The following ARL6IP1 variants were observed in gnomAD, a reference collection of about 807,000 sequenced individuals.
ARL6IP1 encodes ARL6 interacting reticulophagy regulator 1.
Under a neutral mutation model 30.1 loss-of-function variants are expected in ARL6IP1, and 16 were observed. The observed-to-expected ratio is 0.53, with a 90% confidence interval of 0.36 to 0.81. The LOEUF is 0.81. Ranked by LOEUF, ARL6IP1 falls within the 30% of genes least tolerant of loss-of-function variation. The pLI, the probability that ARL6IP1 is intolerant of heterozygous loss-of-function variation, is 0.01. For synonymous variants in ARL6IP1, 72 were observed against 84.8 expected, an observed-to-expected ratio of 0.85 and a Z score of 0.83; for missense variants, 173 against 242.7, an observed-to-expected ratio of 0.71 and a Z score of 1.91.
intron 1 of ARL6IP1, among the ~76,000 whole-genome samples, chr16:18,800,246 A>T (rs937436347): frequency 6.6e-6 from 1 of 152,188 alleles, no homozygotes; most frequent in African/African-American, 2.4e-5. Flanking sequence ...AACAACCCTT[A>T]AAAAAAGGTG....
chr16:18,794,551 A>T (rs1185982411), intron 5 of ARL6IP1, 48 bp downstream of exon 5: 3 of 1,445,846 alleles, frequency 2.1e-6, no homozygotes, highest in African/African-American at 2.8e-5. Context: ...AGTTACAGTT[A>T]AATTTCACTG....
In ARL6IP1 at chr16:18,792,023, C is replaced by T. The variant is rs2030084130; in HGVS notation, c.*1229G>A. 1.3e-5 allele frequency: 2 copies of T among 152,496 alleles called. No individual in the cohort carries two copies. Among genetic ancestry groups the T allele is most frequent in the Admixed American group, 1.3e-4 (2 of 15,270 alleles). 9.4% of individuals were successfully genotyped at this position (152,496 alleles called of 1,614,324 possible). ...AGTTAATCAGTTTAAGAATTGTTCC[C>T]GTCAGTCACATTTTTTGGCCCTCAG... On this transcript the variant is annotated 3_prime_UTR_variant, in exon 6 of 6. Transcript: ENST00000304414.
Position 18,792,624 on chromosome 16 carries a change from G to A in ARL6IP1, c.*628C>T, listed in dbSNP as rs2030098963. Reference sequence around the variant, plus strand: ...AGCCTGTCAGACATTCCTTTTCTTGGACAAAAAGATCAAAGTTTCCTACAA... The same window carrying A: ...AGCCTGTCAGACATTCCTTTTCTTGAACAAAAAGATCAAAGTTTCCTACAA... On this transcript the variant is annotated 3_prime_UTR_variant, in exon 6 of 6. Transcript: ENST00000304414. The A allele has an allele frequency of 6.6e-6, 1 of 152,602 alleles. No individual in the cohort carries two copies. The highest frequency in any genetic ancestry group is 1.5e-5 in the Non-Finnish European group (1 of 68,046). The allele number at this position is 152,602 out of a possible 1,614,324, so 9.5% of individuals were successfully genotyped here.
intron 1 of ARL6IP1, 142 bp downstream of exon 1, chr16:18,801,289 C>T: frequency 6.7e-7 from 1 of 1,488,128 alleles, no homozygotes; most frequent in Admixed American, 2.4e-5. Context: ...ACCCAAGAAG[C>T]CCGAGGGCCA....
At chr16:18,794,149 G>A (rs948861454) in intron 5 of ARL6IP1, among the ~76,000 whole-genome samples, 1 of 151,638 alleles carries the variant, frequency 6.6e-6, no homozygotes. Flanking sequence ...ACAGGGTTTC[G>A]CCATGTTGGC....
In ARL6IP1 at chr16:18,793,346, C is replaced by T. The variant is rs2030126211; in HGVS notation, c.518G>A (p.Gly173Glu). Reference sequence around the variant, plus strand: ...CAAAATGATTCCATGTTGGTTTAGTCCAGGAAGCAATAGTAAGGAAGTCAC... The same window carrying T: ...CAAAATGATTCCATGTTGGTTTAGTTCAGGAAGCAATAGTAAGGAAGTCAC... ...LIVTSLLLLP[G>E]LNQHGIILKY... The change falls in exon 6 of 6, where the codon GGA becomes GAA. Residue 173 changes from glycine to glutamate, a missense_variant. Gly to Glu is a moderately conservative substitution (Grantham distance 98). Transcript: ENST00000304414. 6.2e-7 allele frequency: 1 copy of T among 1,610,642 alleles called. No homozygotes were observed. The highest frequency in any genetic ancestry group is 1.3e-5 in the African/African-American group (1 of 74,620).
intron 5 of ARL6IP1, 127 bp downstream of exon 5, chr16:18,794,472 T>C (rs2030168229): frequency 6.6e-6 from 4 of 608,990 alleles, no homozygotes; most frequent in Admixed American, 6.0e-5. Context: ...ACCATAATAA[T>C]CTTTCCATAT....
At chr16:18,801,123 G>C in intron 1 of ARL6IP1, 2 of 1,263,602 alleles carry the variant, frequency 1.6e-6, no homozygotes, top group Non-Finnish European at 2.0e-6. Flanking sequence ...CAGGCCCCAG[G>C]AGGCCTTCTG....
chr16:18,798,595 T>G (rs1217242417), intron 2 of ARL6IP1, 106 bp downstream of exon 2: 2 of 1,246,428 alleles, frequency 1.6e-6, no homozygotes, highest in African/African-American at 3.1e-5. Context: ...TCTTTATGGG[T>G]TATATATTAC....
intron 5 of ARL6IP1, 123 bp downstream of exon 5, chr16:18,794,476 T>C (rs2030168309): frequency 1.6e-6 from 1 of 625,730 alleles, no homozygotes; most frequent in Non-Finnish European, 2.8e-6. Context: ...TAATAATCTT[T>C]CCATATTCCC....
chr16:18,799,667 C>G (rs1264592229), intron 1 of ARL6IP1, among the ~76,000 whole-genome samples: 2 of 152,154 alleles, frequency 1.3e-5, no homozygotes, highest in East Asian at 3.8e-4. Flanking sequence ...TGGAATCACT[C>G]AGATGTTGAC....
chr16:18,798,106 T>A, intron 2 of ARL6IP1, 62 bp from the exon 3 acceptor site: 2 of 1,450,988 alleles, frequency 1.4e-6, no homozygotes, highest in Non-Finnish European at 1.9e-6. Flanking sequence ...ACTAAACATG[T>A]CTAACTTAAC....
chr16:18,801,144 C>T, intron 1 of ARL6IP1: 1 of 1,343,180 alleles, frequency 7.4e-7, no homozygotes, highest in Non-Finnish European at 9.6e-7. Flanking sequence ...CCCCCACCCG[C>T]ACCCCAGGCT....
chr16:18,798,877 A>G, intron 1 of ARL6IP1, 43 bp from the exon 2 acceptor site: 1 of 1,574,186 alleles, frequency 6.4e-7, no homozygotes, highest in East Asian at 2.3e-5. Flanking sequence ...TACCACTCTC[A>G]ACATTTTTGT....
intron 1 of ARL6IP1, among the ~76,000 whole-genome samples, chr16:18,799,207 T>TCA (rs2030334186): frequency 6.6e-6 from 1 of 152,148 alleles, no homozygotes; most frequent in Non-Finnish European, 1.5e-5. Flanking sequence ...AGACAGGGTT[T>TCA]CACCATGTTG....
intron 5 of ARL6IP1, 122 bp from the exon 6 acceptor site, chr16:18,793,492 C>G (rs1435780633): frequency 8.6e-6 from 5 of 582,826 alleles, no homozygotes; most frequent in African/African-American, 7.7e-5. Context: ...AGTGCAATGG[C>G]GCAATCTTGG....
intron 1 of ARL6IP1, among the ~76,000 whole-genome samples, chr16:18,800,440 T>C (rs985613491): frequency 1.7e-4 from 26 of 152,342 alleles, no homozygotes; most frequent in African/African-American, 6.3e-4. Flanking sequence ...GCTACTTCTC[T>C]GTGCTTCAAT....
chr16:18,793,433 T>A, intron 5 of ARL6IP1, 63 bp from the exon 6 acceptor site: 5 of 250,816 alleles, frequency 2.0e-5, no homozygotes, highest in Admixed American at 8.9e-5. Context: ...GGTTATTACT[T>A]TTTTTTTTTT....
intron 1 of ARL6IP1, chr16:18,801,195 C>T (rs970352949): frequency 2.1e-6 from 3 of 1,409,978 alleles, no homozygotes; most frequent in African/African-American, 2.9e-5. Context: ...TCCTCGACTC[C>T]TACTCGCGGT....
Sources: allele counts gnomAD v4.1 joint callset (sites outside exome capture counted in the v4.1 genomes callset), GRCh38; gene constraint gnomAD v4.1.1; transcripts MANE v1.5; gene names NCBI Gene and HGNC (gene_info 2026-07-23, HGNC 2026-07-21).